GRAMD4: variants seen among roughly 807,000 people sequenced by gnomAD.
GRAMD4 encodes the protein GRAM domain-containing protein 4.
GRAMD4 carries 25 observed loss-of-function variants against 83.9 expected under a neutral mutation model. That is an observed-to-expected ratio of 0.30 (90% CI 0.22 to 0.42). The LOEUF is 0.42. Among genes scored for constraint, GRAMD4 ranks in the 10% least tolerant of loss-of-function variants. The pLI is 1.00. For synonymous variants in GRAMD4, 336 were observed against 320.9 expected, an observed-to-expected ratio of 1.05 and a Z score of -0.50; for missense variants, 593 against 788.7, an observed-to-expected ratio of 0.75 and a Z score of 2.97.
intron 3 of GRAMD4, among the ~76,000 whole-genome samples, chr22:46,638,684 A>T (rs1025968397): frequency 2.0e-5 from 3 of 152,212 alleles, no homozygotes; most frequent in African/African-American, 7.2e-5. Context: ...GATGAGTCCC[A>T]AATTTCCTGC....
intron 1 of GRAMD4, among the ~76,000 whole-genome samples, chr22:46,598,343 T>C (rs1335051231): frequency 1.3e-5 from 2 of 152,076 alleles, no homozygotes; most frequent in African/African-American, 2.4e-5. Context: ...GGTGTCTTGC[T>C]GCTCTGGTAA....
intron 15 of GRAMD4, among the ~76,000 whole-genome samples, chr22:46,674,407 G>C (rs2147416580): frequency 6.6e-6 from 1 of 152,340 alleles, no homozygotes; most frequent in Non-Finnish European, 1.5e-5. Flanking sequence ...TGTGACTTCT[G>C]TTGCTCCCTG....
chr22:46,653,695 G>C (rs1452858753), intron 3 of GRAMD4, among the ~76,000 whole-genome samples: 1 of 152,208 alleles, frequency 6.6e-6, no homozygotes, highest in Non-Finnish European at 1.5e-5. Flanking sequence ...TACCCGTGCA[G>C]GGAGGGGCCA....
chr22:46,677,367 T>A lies in GRAMD4; in HGVS notation c.*116T>A. 6.9e-7 allele frequency: 1 copy of A among 1,447,992 alleles called. No homozygotes were observed. The highest frequency in any genetic ancestry group is 9.1e-7 in the Non-Finnish European group (1 of 1,103,452). The allele number at this position is 1,447,992 out of a possible 1,614,324, so 89.7% of individuals were successfully genotyped here. A position where few individuals can be genotyped will look rare whatever the true frequency, so the allele number is the denominator to read the frequency against. ...CATCCTCATGAGCTTTTGCAATAATTCTCCTGGACCTGTGGTTCTATTGTG... is the reference window on the plus strand; with the variant it reads ...CATCCTCATGAGCTTTTGCAATAATACTCCTGGACCTGTGGTTCTATTGTG... On this transcript the variant is annotated 3_prime_UTR_variant, in exon 19 of 19. Coordinates refer to ENST00000406902, the MANE Select transcript of GRAMD4 (RefSeq NM_015124.5).
intron 1 of GRAMD4, among the ~76,000 whole-genome samples, chr22:46,580,359 G>A (rs559330377): frequency 5.9e-5 from 9 of 152,344 alleles, no homozygotes; most frequent in African/African-American, 1.7e-4. Context: ...TTGGCACCAC[G>A]GTGGGTTTAG....
upstream of GRAMD4, among the ~76,000 whole-genome samples, chr22:46,619,026 A>T (rs1321541914): frequency 2.0e-5 from 3 of 152,228 alleles, no homozygotes; most frequent in East Asian, 5.8e-4. Flanking sequence ...GGATACGGAC[A>T]TCAGCATTTG....
At chr22:46,618,081 C>T (rs567386753), upstream of GRAMD4, among the ~76,000 whole-genome samples, 1 of 152,230 alleles carries the variant, frequency 6.6e-6, no homozygotes, top group East Asian at 1.9e-4. This position sits in a 1 kb window ranked among gnomAD's most constrained non-coding sequence, Gnocchi z 5.8. Flanking sequence ...CTCAGGCTGG[C>T]GGGGACCCCC....
chr22:46,676,721 ACT>A (rs2082604203), intron 18 of GRAMD4, 53 bp downstream of exon 18: 1 of 1,470,224 alleles, frequency 6.8e-7, no homozygotes, highest in Non-Finnish European at 9.3e-7. Context: ...CAGGGGCCTG[ACT>A]CTGAGCAACC....
At chr22:46,603,515 CTTT>C (rs71192425) in intron 1 of GRAMD4, among the ~76,000 whole-genome samples, 11 of 81,588 alleles carry the variant, frequency 1.3e-4, no homozygotes, top group African/African-American at 4.4e-4. Context: ...GGCCTCTTCT[CTTT>C]TTTTTTTTTT....
rs1227989654 is a variant in GRAMD4, at chr22:46,659,298, T to G, written c.404+991T>G. On this transcript the variant is annotated intron_variant, in intron 4 of 18. Coordinates refer to ENST00000406902, the MANE Select transcript of GRAMD4 (RefSeq NM_015124.5). The surrounding 1 kb of genome is among the most constrained non-coding windows in gnomAD (Gnocchi z 4.1). ...TGCCCAGCCTCCCCCCAGCATCATC[T>G]TCAGCCTCCGTCCTCAGACTCCACT... 6.7e-6 allele frequency among the ~76,000 whole-genome samples: 1 copy of G among 150,186 alleles called. No homozygotes were observed. Among genetic ancestry groups the G allele is most frequent in the African/African-American group, 2.5e-5 (1 of 40,708 alleles).
chr22:46,586,730 C>A (rs1012118745), intron 1 of GRAMD4, among the ~76,000 whole-genome samples: 1 of 152,230 alleles, frequency 6.6e-6, no homozygotes, highest in Non-Finnish European at 1.5e-5. Flanking sequence ...TGGGGGGAAC[C>A]CCTACCTGTC....
At chr22:46,649,556 A>G (rs2082134869) in intron 3 of GRAMD4, among the ~76,000 whole-genome samples, 1 of 152,176 alleles carries the variant, frequency 6.6e-6, no homozygotes, top group South Asian at 2.1e-4. Flanking sequence ...TTATCTGTCC[A>G]CCTTAGATCC....
rs374112415 is a variant in GRAMD4, at chr22:46,658,198, C to T, written c.295C>T (p.Arg99Trp). Residue 99 changes from arginine to tryptophan, a missense_variant, in exon 4 of 19, where the codon CGG becomes TGG. Coordinates refer to ENST00000406902, the MANE Select transcript of GRAMD4 (RefSeq NM_015124.5). ...LEKHFLQEEL[R>W]KLREETNAEM... The stretch of plus-strand genomic sequence containing the variant: ...TCTCTCCCCCATAGAGGAGGAGCTC[C>T]GGAAGCTGCGAGAAGAAACCAACGC... 2 of 1,613,598 alleles carry T rather than the reference C, an allele frequency of 1.2e-6. No individual in the cohort carries two copies. Among genetic ancestry groups the T allele is most frequent in the African/African-American group, 1.3e-5 (1 of 74,930 alleles).
At chr22:46,627,108 C>A (rs1040552362) in intron 2 of GRAMD4, 147 bp downstream of exon 2, 13 of 627,794 alleles carry the variant, frequency 2.1e-5, no homozygotes, top group Middle Eastern at 4.2e-4. Flanking sequence ...CACCTGCTCC[C>A]GACCCCTGCA....
At chr22:46,666,739 G>C in intron 9 of GRAMD4, 86 bp from the exon 10 acceptor site, 2 of 1,162,684 alleles carry the variant, frequency 1.7e-6, no homozygotes, top group Non-Finnish European at 2.6e-6. Context: ...TCCAAGCCCA[G>C]CTGGGCGTGC....
At chr22:46,614,802 CCG>C (rs1569260988) in intron 1 of GRAMD4, among the ~76,000 whole-genome samples, 25 of 126,638 alleles carry the variant, frequency 2.0e-4, no homozygotes, top group Non-Finnish European at 1.0e-4. Flanking sequence ...GAAGGTTCCC[CCG>C]TGTGTAGGTT....
chr22:46,613,970 T>C (rs2081443724), intron 1 of GRAMD4, among the ~76,000 whole-genome samples: 3 of 152,218 alleles, frequency 2.0e-5, no homozygotes, highest in South Asian at 2.1e-4. Context: ...ATGGCCGTCA[T>C]GGCCGCGGCT....
intron 1 of GRAMD4, chr22:46,587,944 G>C: frequency 1.0e-6 from 1 of 985,404 alleles, no homozygotes; most frequent in Non-Finnish European, 1.2e-6. Context: ...TCACATCACA[G>C]GTTGGCAAAA....
At chr22:46,617,393 C>T (rs1366748895), upstream of GRAMD4, among the ~76,000 whole-genome samples, 2 of 150,208 alleles carry the variant, frequency 1.3e-5, no homozygotes, top group Non-Finnish European at 3.0e-5. Flanking sequence ...TGTGCAGCTT[C>T]CCCTGTGCTT....
Sources: gnomAD v4.1 joint callset for allele counts (sites outside exome capture counted in the v4.1 genomes callset) on GRCh38, gnomAD v4.1.1 for gene constraint, Gnocchi (gnomAD v3.1) non-coding constraint, MANE v1.5 for transcripts, NCBI Gene and HGNC (gene_info 2026-07-23, HGNC 2026-07-21) for gene names.